The following PTPRN2 variants were observed in gnomAD, a reference collection of about 807,000 sequenced individuals.
PTPRN2 encodes the protein protein tyrosine phosphatase receptor type N2.
A neutral mutation model predicts 118.8 loss-of-function variants in PTPRN2; 74 were observed. That is an observed-to-expected ratio of 0.62 (90% CI 0.52 to 0.76). PTPRN2 has a LOEUF of 0.76. PTPRN2 is among the 30% of genes least tolerant of loss of function. The probability of loss-of-function intolerance (pLI) is 0.00; values close to 1 mark genes in which losing one functional copy is unlikely to be tolerated. For missense variants in PTPRN2, 1,481 were observed against 1,394.4 expected, an observed-to-expected ratio of 1.06 and a Z score of -0.99; for synonymous variants, 641 against 608.0, an observed-to-expected ratio of 1.05 and a Z score of -0.80.
At chr7:158,268,603 CGCAGGCACACAGGGCGG>C (rs1798064482) in intron 3 of PTPRN2, among the ~76,000 whole-genome samples, 1 of 141,538 alleles carries the variant, frequency 7.1e-6, no homozygotes, top group African/African-American at 2.7e-5. Context: ...ATATCCCAGC[CGCAGGCACACAGGGCGG>C]GTGTGAAATA....
chr7:157,889,241 G>A (rs960665743), intron 12 of PTPRN2, among the ~76,000 whole-genome samples: 8 of 131,412 alleles, frequency 6.1e-5, no homozygotes, highest in African/African-American at 1.8e-4. Context: ...CTGGTTACCC[G>A]CCCCCATCAT....
chr7:157,970,646 C>G (rs928401243), intron 11 of PTPRN2, among the ~76,000 whole-genome samples: 2 of 150,840 alleles, frequency 1.3e-5, no homozygotes, highest in African/African-American at 4.9e-5. Context: ...ACCCCCCCCC[C>G]CACAGGTTGC....
intron 12 of PTPRN2, among the ~76,000 whole-genome samples, chr7:157,695,242 G>A (rs1797708835): frequency 6.6e-6 from 1 of 151,900 alleles, no homozygotes; most frequent in Non-Finnish European, 1.5e-5. Context: ...AGACTGTTAT[G>A]GGAAACATGA....
At chr7:158,534,102 G>C (rs1257432677) in intron 1 of PTPRN2, among the ~76,000 whole-genome samples, 3 of 135,460 alleles carry the variant, frequency 2.2e-5, no homozygotes, top group African/African-American at 8.1e-5. Flanking sequence ...TGCAGGTTGT[G>C]ACCACCCACG....
At chr7:158,146,074 C>T (rs537706618) in intron 6 of PTPRN2, among the ~76,000 whole-genome samples, 1 of 149,558 alleles carries the variant, frequency 6.7e-6, no homozygotes, top group South Asian at 2.1e-4. Flanking sequence ...CCCCCTTTCC[C>T]ATCCATTCTG....
intron 11 of PTPRN2, among the ~76,000 whole-genome samples, chr7:158,035,504 T>C (rs1400152004): frequency 6.6e-6 from 1 of 152,090 alleles, no homozygotes; most frequent in Admixed American, 6.5e-5. Flanking sequence ...CCCAGCAGGC[T>C]GGGGTTGGGG....
At chr7:158,530,607 G>C (rs1434007811) in intron 1 of PTPRN2, among the ~76,000 whole-genome samples, 2 of 152,244 alleles carry the variant, frequency 1.3e-5, no homozygotes, top group Non-Finnish European at 2.9e-5. Context: ...CAGCACACGT[G>C]TGAGAGCGTG....
In PTPRN2 at chr7:157,583,890, ACACACACAC is replaced by A. The variant is rs1800521015; in HGVS notation, c.2497-5759_2497-5751del. ...GAGCGAGACTCTGTCTCAAACACACACACACACACACACACACACACACACACACACACA... is the reference window on the plus strand; with the variant it reads ...GAGCGAGACTCTGTCTCAAACACACAACACACACACACACACACACACACA... On this transcript the variant is annotated intron_variant, in intron 17 of 22. Coordinates refer to ENST00000389418, the MANE Select transcript of PTPRN2 (RefSeq NM_002847.5). The surrounding 1 kb of genome is among the most constrained non-coding windows in gnomAD (Gnocchi z 5.5). 3.9e-5 allele frequency among the ~76,000 whole-genome samples: 2 copies of A among 50,900 alleles called. No homozygotes were observed. The highest frequency in any genetic ancestry group is 8.3e-5 in the Non-Finnish European group (2 of 24,106). The allele number at this position is 50,900 out of a possible 152,430, so 33.4% of individuals were successfully genotyped here. A position where few individuals can be genotyped will look rare whatever the true frequency, so the allele number is the denominator to read the frequency against.
At chr7:158,253,315 C>T (rs768263207) in intron 3 of PTPRN2, among the ~76,000 whole-genome samples, 21 of 152,166 alleles carry the variant, frequency 1.4e-4, no homozygotes, top group African/African-American at 1.4e-4. Flanking sequence ...GAGGACTGAC[C>T]GGGGCCAGCA....
chr7:157,957,760 C>T (rs1269505926), intron 11 of PTPRN2, among the ~76,000 whole-genome samples: 1 of 152,076 alleles, frequency 6.6e-6, no homozygotes, highest in Non-Finnish European at 1.5e-5. Context: ...AGTCAAAAAC[C>T]TCCCAAAGAA....
At chr7:158,419,186 G>C (rs1404523811) in intron 2 of PTPRN2, among the ~76,000 whole-genome samples, 1 of 152,212 alleles carries the variant, frequency 6.6e-6, no homozygotes, top group Non-Finnish European at 1.5e-5. Flanking sequence ...GGGTTCTGGA[G>C]CCTGAAGACA....
chr7:157,917,601 T>A lies in PTPRN2; in HGVS notation c.1724-18864A>T, dbSNP rs114710590. The stretch of plus-strand genomic sequence containing the variant: ...TTATTTTAATTAGATATTGTTTCAA[T>A]CTCACTTACATTAATTTAATATCTG... On this transcript the variant is annotated intron_variant, in intron 11 of 22. Transcript: ENST00000389418. Among the ~76,000 whole-genome samples the A allele has an allele frequency of 2.3e-3, 358 of 152,348 alleles. 2 individuals are homozygous for A. The highest frequency in any genetic ancestry group is 7.8e-3 in the African/African-American group (323 of 41,576).
At chr7:158,297,217 C>T (rs1022138727) in intron 3 of PTPRN2, among the ~76,000 whole-genome samples, 1 of 152,228 alleles carries the variant, frequency 6.6e-6, no homozygotes, top group African/African-American at 2.4e-5. Flanking sequence ...TACAGAATGA[C>T]TTTCTCTTCA....
chr7:158,277,146 C>T (rs1030851990), intron 3 of PTPRN2, among the ~76,000 whole-genome samples: 4 of 152,230 alleles, frequency 2.6e-5, no homozygotes, highest in Non-Finnish European at 4.4e-5. Context: ...CGCACACACG[C>T]GCACATACAC....
At chr7:158,240,478 G>C (rs1472956429) in intron 3 of PTPRN2, among the ~76,000 whole-genome samples, 2 of 152,194 alleles carry the variant, frequency 1.3e-5, no homozygotes, top group East Asian at 1.9e-4. Flanking sequence ...GCCCAGGCTG[G>C]AGTGCAGTAG....
In PTPRN2 at chr7:157,977,204, G is replaced by A. The variant is rs1223820174; in HGVS notation, c.1724-78467C>T. ...CCTATTGCGTACAGGTGCCGTTCCA[G>A]CACCGGGGACTCCCTGGTGTGACCC... On this transcript the variant is annotated intron_variant, in intron 11 of 22. Transcript: ENST00000389418. The surrounding 1 kb of genome is among the most constrained non-coding windows in gnomAD (Gnocchi z 4.6). Among the ~76,000 whole-genome samples the A allele has an allele frequency of 5.3e-5, 8 of 151,932 alleles. 1 individual carries two copies. The South Asian group carries it at 1.7e-3, about 31-fold the overall frequency.
At chr7:158,374,585 G>A (rs1019515875) in intron 2 of PTPRN2, among the ~76,000 whole-genome samples, 15 of 152,168 alleles carry the variant, frequency 9.9e-5, no homozygotes, top group African/African-American at 2.9e-4. Context: ...AACAAAGCCC[G>A]TCAACAGGAA....
intron 4 of PTPRN2, among the ~76,000 whole-genome samples, chr7:158,194,078 C>A (rs925108583): frequency 2.0e-5 from 3 of 151,396 alleles, no homozygotes; most frequent in Non-Finnish European, 4.4e-5. Flanking sequence ...CAGAGGAAGA[C>A]CCTGTTTCAA....
In PTPRN2 at chr7:157,763,092, C is replaced by A. The variant is rs1393808404; in HGVS notation, c.1789-80155G>T. 7.7e-6 allele frequency among the ~76,000 whole-genome samples: 1 copy of A among 130,528 alleles called. No individual in the cohort carries two copies. The highest frequency in any genetic ancestry group is 3.1e-5 in the African/African-American group (1 of 32,378). 85.6% of individuals were successfully genotyped at this position (130,528 alleles called of 152,430 possible). On this transcript the variant is annotated intron_variant, in intron 12 of 22. Transcript: ENST00000389418. This position sits in a 1 kb window ranked among gnomAD's most constrained non-coding sequence, Gnocchi z 4.9. ...CGGCCGCCCACTCATGGTCACAGAG[C>A]TAACCATCAGAGCCCACGGCCGCCC...
Sources: gnomAD v4.1 joint callset for allele counts (sites outside exome capture counted in the v4.1 genomes callset) on GRCh38, gnomAD v4.1.1 for gene constraint, Gnocchi (gnomAD v3.1) non-coding constraint, MANE v1.5 for transcripts, NCBI Gene and HGNC (gene_info 2026-07-23, HGNC 2026-07-21) for gene names.